Variants in SPOCK3 observed in about 807,000 individuals in gnomAD.
SPOCK3 encodes testican-3.
Under a neutral mutation model 56.6 loss-of-function variants are expected in SPOCK3, and 30 were observed. The ratio of observed to expected loss-of-function variants is 0.53; its 90% CI spans 0.40 to 0.72. The LOEUF is 0.72. Ranked by LOEUF, SPOCK3 falls within the 30% of genes least tolerant of loss-of-function variation. The probability of loss-of-function intolerance (pLI) is 0.00; values close to 1 mark genes in which losing one functional copy is unlikely to be tolerated. For synonymous variants in SPOCK3, 196 were observed against 183.3 expected, an observed-to-expected ratio of 1.07 and a Z score of -0.56; for missense variants, 527 against 530.0, an observed-to-expected ratio of 0.99 and a Z score of 0.06.
chr4:167,174,662 G>C (rs1730811242), intron 2 of SPOCK3, among the ~76,000 whole-genome samples: 2 of 152,214 alleles, frequency 1.3e-5, no homozygotes, highest in African/African-American at 4.8e-5. Context: ...AATAAAGATA[G>C]GACATCTTGA....
chr4:167,153,059 T>G (rs1361454380), intron 2 of SPOCK3, among the ~76,000 whole-genome samples: 3 of 152,192 alleles, frequency 2.0e-5, no homozygotes, highest in Non-Finnish European at 4.4e-5. Flanking sequence ...TGTTTAATTT[T>G]ATTCTAACAA....
intron 2 of SPOCK3, among the ~76,000 whole-genome samples, chr4:167,212,254 T>G (rs994829460): frequency 5.3e-4 from 80 of 152,226 alleles, no homozygotes; most frequent in African/African-American, 1.8e-3. Context: ...TTTTTTTTTT[T>G]GAAACAGAGT....
intron 3 of SPOCK3, among the ~76,000 whole-genome samples, chr4:167,039,335 G>A (rs1753048064): frequency 1.3e-5 from 2 of 152,262 alleles, no homozygotes; most frequent in South Asian, 4.2e-4. Flanking sequence ...CATAAGCACA[G>A]GAGGTTAAGA....
chr4:167,209,793 T>G (rs1381946970), intron 2 of SPOCK3, among the ~76,000 whole-genome samples: 4 of 152,226 alleles, frequency 2.6e-5, no homozygotes, highest in Admixed American at 6.5e-5. Flanking sequence ...CAAAAAAAAT[T>G]TTTAAACCTT....
intron 3 of SPOCK3, among the ~76,000 whole-genome samples, chr4:167,038,115 T>A (rs1368927459): frequency 6.6e-6 from 1 of 152,094 alleles, no homozygotes; most frequent in East Asian, 1.9e-4. Flanking sequence ...AAATAGTCAC[T>A]GCATTCCTAT....
chr4:167,142,456 T>C (rs1414848549), intron 2 of SPOCK3, among the ~76,000 whole-genome samples: 1 of 151,596 alleles, frequency 6.6e-6, no homozygotes, highest in African/African-American at 2.4e-5. Context: ...GAAAAAAAAA[T>C]CCATCAATAT....
chr4:166,997,891 A>G (rs985986537), intron 4 of SPOCK3, among the ~76,000 whole-genome samples: 1 of 152,150 alleles, frequency 6.6e-6, no homozygotes, highest in African/African-American at 2.4e-5. Context: ...AACAGAAAAA[A>G]GGTAGCAATT....
At chr4:167,102,867 C>T (rs578221053) in intron 2 of SPOCK3, among the ~76,000 whole-genome samples, 120 of 135,552 alleles carry the variant, frequency 8.9e-4, no homozygotes, top group Middle Eastern at 4.8e-3. Context: ...CCAGCCAGGA[C>T]GGCTAAGGAA....
At chr4:166,738,493 A>C (rs1396070508) in intron 9 of SPOCK3, among the ~76,000 whole-genome samples, 3 of 150,494 alleles carry the variant, frequency 2.0e-5, no homozygotes, top group African/African-American at 7.3e-5. Context: ...TTATACTTGA[A>C]GTTTTAGGGT....
chr4:167,040,300 A>T (rs1447999023), intron 3 of SPOCK3, among the ~76,000 whole-genome samples: 1 of 152,174 alleles, frequency 6.6e-6, no homozygotes, highest in Non-Finnish European at 1.5e-5. Flanking sequence ...AAGGCACAGC[A>T]CTCAGTGATA....
intron 6 of SPOCK3, 73 bp downstream of exon 6, chr4:166,889,057 G>T: frequency 1.1e-6 from 1 of 889,726 alleles, no homozygotes; most frequent in South Asian, 1.4e-5. Flanking sequence ...TGTATTTAAT[G>T]ACAACATCTA....
intron 6 of SPOCK3, among the ~76,000 whole-genome samples, chr4:166,878,454 A>C (rs1292778777): frequency 2.0e-5 from 3 of 150,166 alleles, no homozygotes; most frequent in Admixed American, 6.6e-5. Flanking sequence ...TAGGCCAATA[A>C]ATTTTTAAAA....
chr4:166,930,347 T>C (rs1265455073), intron 4 of SPOCK3, among the ~76,000 whole-genome samples: 2 of 152,168 alleles, frequency 1.3e-5, no homozygotes, highest in African/African-American at 2.4e-5. Context: ...CTTTTACTAT[T>C]TGTGCTATAT....
At chr4:166,844,238 T>A (rs1335553361) in intron 6 of SPOCK3, among the ~76,000 whole-genome samples, 1 of 152,238 alleles carries the variant, frequency 6.6e-6, no homozygotes, top group Non-Finnish European at 1.5e-5. Context: ...TACTAGTTAC[T>A]CGACTTATAT....
chr4:166,808,657 A>G (rs1264777572), intron 6 of SPOCK3, among the ~76,000 whole-genome samples: 1 of 152,058 alleles, frequency 6.6e-6, no homozygotes, highest in Non-Finnish European at 1.5e-5. Context: ...GCTAACTAAT[A>G]TACTTCCTGA....
chr4:167,113,362 T>A (rs991636892), intron 2 of SPOCK3, among the ~76,000 whole-genome samples: 1 of 145,996 alleles, frequency 6.8e-6, no homozygotes, highest in Admixed American at 7.1e-5. Context: ...GGCAGGAGGG[T>A]TCTTCTTACA....
intron 6 of SPOCK3, among the ~76,000 whole-genome samples, chr4:166,841,828 T>C (rs1196569117): frequency 6.6e-6 from 1 of 152,198 alleles, no homozygotes; most frequent in African/African-American, 2.4e-5. Flanking sequence ...ATTTCTCCCA[T>C]TGTGTCTAAA....
chr4:167,007,479 G>C (rs946296777), intron 3 of SPOCK3, among the ~76,000 whole-genome samples: 2 of 151,772 alleles, frequency 1.3e-5, no homozygotes, highest in Non-Finnish European at 2.9e-5. Flanking sequence ...GTCCGTGGCT[G>C]CTTGAATCCA....
intron 2 of SPOCK3, among the ~76,000 whole-genome samples, chr4:167,220,271 G>A (rs189078754): frequency 6.6e-6 from 1 of 152,222 alleles, no homozygotes; most frequent in African/African-American, 2.4e-5. Context: ...AAGAAAAGGA[G>A]GGGGTGGTGG....
Sources: allele counts gnomAD v4.1 joint callset (sites outside exome capture counted in the v4.1 genomes callset), GRCh38; gene constraint gnomAD v4.1.1; transcripts MANE v1.5; gene names NCBI Gene and HGNC (gene_info 2026-07-23, HGNC 2026-07-21).